NTRK1: variants seen among roughly 807,000 people sequenced by gnomAD.
NTRK1 encodes the protein neurotrophic receptor tyrosine kinase 1.
In NTRK1, 62 loss-of-function variants were observed where a neutral mutation model predicts 86.8. The observed-to-expected ratio is 0.71, with a 90% CI of 0.58 to 0.88. The LOEUF is 0.88. Ranked by LOEUF, NTRK1 falls within the 40% of genes least tolerant of loss-of-function variation. The pLI is 0.00. For synonymous variants in NTRK1, 469 were observed against 456.6 expected (o/e 1.03, Z -0.35); for missense variants, 967 against 1,078.4 (o/e 0.90, Z 1.45).
intron 2 of NTRK1, among the ~76,000 whole-genome samples, chr1:156,843,915 A>C (rs567075232): frequency 2.0e-5 from 3 of 152,208 alleles, no homozygotes; most frequent in Non-Finnish European, 4.4e-5. Flanking sequence ...TGTGGTGACC[A>C]ACAATCCCAG....
rs555902318 is a variant in NTRK1 at position 156,816,556 on chromosome 1, G to C, written c.-64+718G>C. 5.9e-5 allele frequency: 53 copies of C among 904,358 alleles called. 1 individual carries two copies. The South Asian group carries it at 8.4e-4, about 14-fold the overall frequency. 56.0% of individuals were successfully genotyped at this position (904,358 alleles called of 1,614,324 possible). ...GTCACCCTGCCAATCAGCTTTGCCAGCTCTGGCTTAGGGTGGGGCCCCTCA... is the reference window on the plus strand; with the variant it reads ...GTCACCCTGCCAATCAGCTTTGCCACCTCTGGCTTAGGGTGGGGCCCCTCA... On this transcript the variant is annotated intron_variant, in intron 1 of 16. Coordinates refer to the NTRK1 transcript ENST00000392302.
chr1:156,849,513 G>GGGGGGGA, intron 2 of NTRK1: 1 of 486,122 alleles, frequency 2.1e-6, no homozygotes, highest in Non-Finnish European at 4.1e-6. Context: ...CAGGGGGTGG[G>GGGGGGGA]AAAGGGGATG....
chr1:156,861,034 G>T lies in NTRK1; in HGVS notation c.100G>T (p.Ala34Ser), dbSNP rs1436042701. The change falls in exon 1 of 17, where the codon GCA becomes TCA. Residue 34 changes from alanine (A) to serine (S), a missense_variant. Coordinates refer to ENST00000524377, the MANE Select transcript of NTRK1 (RefSeq NM_002529.4). ...AWLILASAGA[A>S]PCPDACCPHG... ...GCTGATACTGGCATCTGCGGGCGCCGCACCCTGCCCCGATGCCTGCTGCCC... is the reference window on the plus strand; with the variant it reads ...GCTGATACTGGCATCTGCGGGCGCCTCACCCTGCCCCGATGCCTGCTGCCC... The T allele has an allele frequency of 6.5e-7, 1 of 1,546,856 alleles. No individual in the cohort carries two copies. Among genetic ancestry groups the T allele is most frequent in the East Asian group, 2.4e-5 (1 of 41,678 alleles).
At chr1:156,832,263 T>G (rs921466283) in intron 1 of NTRK1, among the ~76,000 whole-genome samples, 1 of 152,208 alleles carries the variant, frequency 6.6e-6, no homozygotes, top group Non-Finnish European at 1.5e-5. Flanking sequence ...AAGCATCTAT[T>G]TGAAGCCTAG....
chr1:156,820,971 T>G (rs867903989), intron 1 of NTRK1, among the ~76,000 whole-genome samples: 27 of 152,226 alleles, frequency 1.8e-4, no homozygotes, highest in African/African-American at 6.5e-4. Flanking sequence ...CAGCAGTGTT[T>G]TCTTTGTAGA....
Position 156,868,181 on chromosome 1 carries a change from G to T in NTRK1, c.506G>T (p.Gly169Val), listed in dbSNP as rs2102893067. The T allele has an allele frequency of 1.2e-6, 2 of 1,613,658 alleles. No homozygotes were observed. The highest frequency in any genetic ancestry group is 1.1e-5 in the South Asian group (1 of 91,088). ...LQRWEEEGLG[G>V]VPEQKLQCHG... ...CGCTGGGAGGAGGAGGGACTGGGCGGAGTGCCTGAACAGAAGCTGCAGTGT... is the reference window on the plus strand; with the variant it reads ...CGCTGGGAGGAGGAGGGACTGGGCGTAGTGCCTGAACAGAAGCTGCAGTGT... Residue 169 changes from glycine (G) to valine (V), a missense_variant, in exon 5 of 17, where the codon GGA (glycine) becomes GTA (valine). Coordinates refer to ENST00000524377, the MANE Select transcript of NTRK1 (RefSeq NM_002529.4).
intron 14 of NTRK1, 120 bp from the exon 15 acceptor site, chr1:156,879,002 C>A: frequency 8.4e-7 from 1 of 1,183,938 alleles, no homozygotes; most frequent in Non-Finnish European, 1.2e-6. Context: ...TTCTCTCAAT[C>A]CTCCACTTCC....
At chr1:156,824,845 C>G (rs1047543219) in intron 1 of NTRK1, among the ~76,000 whole-genome samples, 1 of 152,120 alleles carries the variant, frequency 6.6e-6, no homozygotes, top group Non-Finnish European at 1.5e-5. Flanking sequence ...TTACACGGCC[C>G]AGGAGGCAGA....
At chr1:156,845,277 GGCGGTGCCGCCCT>G in intron 2 of NTRK1, 2 of 1,612,478 alleles carry the variant, frequency 1.2e-6, no homozygotes, top group Non-Finnish European at 1.7e-6. Context: ...CCAGCTGCCC[GGCGGTGCCGCCCT>G]GAGTCCCTGG....
At chr1:156,867,858 A>G (rs954611773) in intron 4 of NTRK1, among the ~76,000 whole-genome samples, 1 of 148,628 alleles carries the variant, frequency 6.7e-6, no homozygotes, top group African/African-American at 2.5e-5. Context: ...CATTTTTAGT[A>G]GAGACGGGGT....
chr1:156,880,659 G>A lies in NTRK1; in HGVS notation c.2205+502G>A, dbSNP rs1019160331. On this transcript the variant is annotated intron_variant, in intron 16 of 16. Transcript: ENST00000524377. ...GCTGCCCCCACCCCCTGCTTGGCTC[G>A]CAGCTGTCAGTTTCCATTTCTCCTC... 5.8e-4 allele frequency: 93 copies of A among 159,664 alleles called. 1 individual carries two copies. The highest frequency in any genetic ancestry group is 1.2e-4 in the Non-Finnish European group (9 of 72,680). 9.9% of individuals were successfully genotyped at this position (159,664 alleles called of 1,614,324 possible).
intron 2 of NTRK1, chr1:156,845,212 C>T (rs1398625864): frequency 1.2e-6 from 2 of 1,609,644 alleles, no homozygotes; most frequent in South Asian, 2.2e-5. Context: ...GCTCACGGGG[C>T]ACCTTGTCCT....
chr1:156,874,247 A>G (rs2102908101), intron 8 of NTRK1, 136 bp from the exon 9 acceptor site: 1 of 1,358,864 alleles, frequency 7.4e-7, no homozygotes, highest in Non-Finnish European at 1.1e-6. Flanking sequence ...CTTGAGGCCC[A>G]GCAGCCCACC....
In NTRK1 at chr1:156,871,736, T is replaced by C. The variant is rs748368980; in HGVS notation, c.831T>C (p.Ser277=). 3 of 1,614,060 alleles carry C rather than the reference T, an allele frequency of 1.9e-6. No homozygotes were observed. Among genetic ancestry groups the C allele is most frequent in the South Asian group, 2.2e-5 (2 of 91,082 alleles). ...ACGATGTGGGCCGGGCAGAGGTCTC[T>C]GTTCAGGTCAACGTCTCCTGTGAGT... The part of the protein sequence containing the change: ...AENDVGRAEV[S]VQVNVSFPAS... The change falls in exon 7 of 17, where the codon TCT becomes TCC. Residue 277 remains serine (S), a synonymous_variant. Coordinates refer to ENST00000524377, the MANE Select transcript of NTRK1 (RefSeq NM_002529.4).
intron 1 of NTRK1, among the ~76,000 whole-genome samples, chr1:156,827,287 A>T (rs1571642939): frequency 1.3e-5 from 2 of 150,124 alleles, no homozygotes; most frequent in Non-Finnish European, 1.5e-5. Context: ...TTTGAGACAG[A>T]GTCTCACTCT....
At chr1:156,846,500 G>A (rs1434549307) in intron 2 of NTRK1, 1 of 1,592,234 alleles carries the variant, frequency 6.3e-7, no homozygotes, top group Non-Finnish European at 8.6e-7. Context: ...ACTGACTCTT[G>A]CACCCTCCAA....
rs772229945 is a variant in NTRK1, at chr1:156,876,562, C to G, written c.1795C>G (p.Arg599Gly). 6.2e-7 allele frequency: 1 copy of G among 1,612,108 alleles called. No homozygotes were observed. Among genetic ancestry groups the G allele is most frequent in the East Asian group, 2.2e-5 (1 of 44,848 alleles). ...GTATATGCGGCACGGGGACCTCAACCGCTTCCTCCGGTACCAGCACCTGGC... is the reference window on the plus strand; with the variant it reads ...GTATATGCGGCACGGGGACCTCAACGGCTTCCTCCGGTACCAGCACCTGGC... Reference protein sequence around the residue: ...FEYMRHGDLNRFLRSHGPDAK... With the variant: ...FEYMRHGDLNGFLRSHGPDAK... Residue 599 changes from arginine (R) to glycine (G), a missense_variant, in exon 14 of 17, where the codon CGC (arginine) becomes GGC (glycine). This residue lies in a region of NTRK1 where 637 missense variants were observed against 776.5 expected (regional missense o/e 0.82). Coordinates refer to ENST00000524377, the MANE Select transcript of NTRK1 (RefSeq NM_002529.4).
intron 1 of NTRK1, among the ~76,000 whole-genome samples, chr1:156,830,048 C>T (rs115287779): frequency 2.0e-5 from 3 of 152,330 alleles, no homozygotes; most frequent in Non-Finnish European, 2.9e-5. Flanking sequence ...CTCCCAAGCC[C>T]GCTGTCTAAG....
chr1:156,848,820 C>T, intron 2 of NTRK1: 1 of 1,418,102 alleles, frequency 7.1e-7, no homozygotes, highest in Non-Finnish European at 9.5e-7. Context: ...CTTCCTGGGT[C>T]TTCATAGCCT....
Sources: gnomAD v4.1 joint callset for allele counts (sites outside exome capture counted in the v4.1 genomes callset) on GRCh38, gnomAD v4.1.1 for gene constraint, gnomAD v4.1.1 regional missense constraint, MANE v1.5 for transcripts, NCBI Gene and HGNC (gene_info 2026-07-23, HGNC 2026-07-21) for gene names.